Variants in MRTFA observed in about 807,000 individuals in gnomAD.
MRTFA encodes the protein myocardin-related transcription factor A.
Under a neutral mutation model 83.5 loss-of-function variants are expected in MRTFA, and 20 were observed. The ratio of observed to expected loss-of-function variants is 0.24; its 90% CI spans 0.17 to 0.35. The LOEUF (loss-of-function observed/expected upper bound fraction) is 0.35. Among genes scored for constraint, MRTFA ranks in the 10% least tolerant of loss-of-function variants. The pLI, the probability that MRTFA is intolerant of heterozygous loss-of-function variation, is 1.00. For synonymous variants in MRTFA, 659 were observed against 541.2 expected, an observed-to-expected ratio of 1.22 and a Z score of -3.02; for missense variants, 1,200 against 1,224.7, an observed-to-expected ratio of 0.98 and a Z score of 0.30.
intron 3 of MRTFA, among the ~76,000 whole-genome samples, chr22:40,482,109 T>C (rs191270780): frequency 1.4e-3 from 207 of 151,920 alleles, no homozygotes; most frequent in Non-Finnish European, 1.4e-3. Context: ...AGCTCTTACA[T>C]TGTGTTGTCA....
intron 3 of MRTFA, among the ~76,000 whole-genome samples, chr22:40,536,407 G>A (rs2055176082): frequency 6.6e-6 from 1 of 150,530 alleles, no homozygotes; most frequent in African/African-American, 2.4e-5. Context: ...GCCGGCGAGC[G>A]CCGCCCGGGA....
intron 2 of MRTFA, 97 bp from the exon 3 acceptor site, chr22:40,552,464 A>AT (rs1602419383): frequency 1.0e-5 from 4 of 392,654 alleles, no homozygotes. Flanking sequence ...TGTAGTTCCC[A>AT]TAACTCACAC....
In MRTFA at chr22:40,429,586, G is replaced by A. The variant is rs758413544; in HGVS notation, c.601+20C>T. ...TGCATCTCAGCTGCCTCTCACACAG[G>A]GTGGCTGGGTCCTCCTCACCAATGA... is the stretch of plus-strand genomic sequence containing the variant. On this transcript the variant is annotated intron_variant, in intron 7 of 14. Transcript: ENST00000355630. The A allele has an allele frequency of 2.5e-6, 4 of 1,614,032 alleles. No homozygotes were observed. Among genetic ancestry groups the A allele is most frequent in the Non-Finnish European group, 3.4e-6 (4 of 1,179,984 alleles).
chr22:40,481,611 G>A (rs922767654), intron 3 of MRTFA, among the ~76,000 whole-genome samples: 2 of 152,116 alleles, frequency 1.3e-5, no homozygotes, highest in African/African-American at 4.8e-5. Flanking sequence ...GGTACACAGA[G>A]AAGGCCCTTT....
intron 3 of MRTFA, among the ~76,000 whole-genome samples, chr22:40,491,603 T>C (rs559056834): frequency 6.6e-6 from 1 of 152,208 alleles, no homozygotes; most frequent in Non-Finnish European, 1.5e-5. Context: ...GTATAGTACC[T>C]AAGGCCAAAG....
chr22:40,462,075 T>G (rs2053724680), intron 4 of MRTFA, among the ~76,000 whole-genome samples: 1 of 152,224 alleles, frequency 6.6e-6, no homozygotes, highest in Non-Finnish European at 1.5e-5. Flanking sequence ...ATCTTTCCTC[T>G]TCAGTGAGGC....
intron 3 of MRTFA, chr22:40,519,747 A>C (rs1479808659): frequency 1.7e-5 from 8 of 473,002 alleles, no homozygotes; most frequent in African/African-American, 1.4e-4. Flanking sequence ...ACAAACGCCT[A>C]AGAGCAAAGT....
At chr22:40,494,594 T>G (rs1444992383) in intron 3 of MRTFA, among the ~76,000 whole-genome samples, 1 of 151,374 alleles carries the variant, frequency 6.6e-6, no homozygotes, top group Non-Finnish European at 1.5e-5. Context: ...GGTAGGAGCA[T>G]CACTCGAGCC....
intron 1 of MRTFA, among the ~76,000 whole-genome samples, chr22:40,629,109 C>T (rs992164232): frequency 6.6e-6 from 1 of 151,808 alleles, no homozygotes; most frequent in Non-Finnish European, 1.5e-5. Context: ...GGCAATATAG[C>T]AAGACTCTCT....
intron 2 of MRTFA, chr22:40,587,661 TACAGTGCCA>T (rs1393065321): frequency 3.1e-6 from 1 of 320,560 alleles, no homozygotes; most frequent in Non-Finnish European, 6.2e-6. Context: ...GTGTTCACTC[TACAGTGCCA>T]ACAGTGCCAG....
chr22:40,475,863 G>T (rs2053986317), intron 3 of MRTFA, among the ~76,000 whole-genome samples: 1 of 152,090 alleles, frequency 6.6e-6, no homozygotes, highest in African/African-American at 2.4e-5. Flanking sequence ...ATGGCGTCTC[G>T]GCCAGGCACG....
rs1439683846 is a variant in MRTFA at position 40,576,175 on chromosome 22, C to T, written c.-22+18499G>A. On this transcript the variant is annotated intron_variant, in intron 2 of 14. Transcript: ENST00000355630. ...TCCCAAGTAGCTGGGATTACAGGTG[C>T]GCGCCACCACGCTCAGCTAATTTTT... Among the ~76,000 whole-genome samples, 4 of 151,720 alleles carry T rather than the reference C, an allele frequency of 2.6e-5. No homozygotes were observed. In the Middle Eastern group the frequency reaches 0.01, roughly 387 times the overall value.
At chr22:40,514,711 C>T (rs2054727671) in intron 3 of MRTFA, among the ~76,000 whole-genome samples, 1 of 151,668 alleles carries the variant, frequency 6.6e-6, no homozygotes, top group Non-Finnish European at 1.5e-5. Flanking sequence ...AACTCCTGAC[C>T]TCAAGTGATC....
intron 2 of MRTFA, among the ~76,000 whole-genome samples, chr22:40,584,953 T>C (rs1163638252): frequency 6.6e-6 from 1 of 151,972 alleles, no homozygotes; most frequent in East Asian, 1.9e-4. Flanking sequence ...TCTGCGGTGG[T>C]AGGATCGCTT....
At chr22:40,571,695 G>A (rs556427212) in intron 2 of MRTFA, among the ~76,000 whole-genome samples, 5 of 151,542 alleles carry the variant, frequency 3.3e-5, no homozygotes, top group Non-Finnish European at 5.9e-5. Context: ...GAGGTAAGTC[G>A]ATCACGAGAC....
chr22:40,542,408 G>A (rs2055306107), intron 3 of MRTFA, among the ~76,000 whole-genome samples: 1 of 152,118 alleles, frequency 6.6e-6, no homozygotes, highest in African/African-American at 2.4e-5. Context: ...TTGTAACCAT[G>A]AATTAGCTCA....
At chr22:40,550,530 A>C (rs1264739893) in intron 3 of MRTFA, among the ~76,000 whole-genome samples, 1 of 152,212 alleles carries the variant, frequency 6.6e-6, no homozygotes, top group Non-Finnish European at 1.5e-5. Flanking sequence ...AGAACTATTC[A>C]CTAAGTGGGG....
intron 1 of MRTFA, among the ~76,000 whole-genome samples, chr22:40,629,950 A>G (rs376009156): frequency 6.6e-6 from 1 of 152,036 alleles, no homozygotes; most frequent in South Asian, 2.1e-4. Context: ...TAGGGCCCAC[A>G]CTAATACCTA....
In MRTFA at chr22:40,487,610, T is replaced by C. The variant is rs1221151603; in HGVS notation, c.242-24324A>G. Among the ~76,000 whole-genome samples, 4 of 152,346 alleles carry C rather than the reference T, an allele frequency of 2.6e-5. No homozygotes were observed. The East Asian group carries it at 7.7e-4, about 29-fold the overall frequency. On this transcript the variant is annotated intron_variant, in intron 3 of 14. Transcript: ENST00000355630. The stretch of plus-strand genomic sequence containing the variant: ...AATGCCTTGACTGGTGTTTCTCAGA[T>C]GTACCAAGTTTCTTCTCAGAAAGAA...
Sources: allele counts gnomAD v4.1 joint callset (sites outside exome capture counted in the v4.1 genomes callset), GRCh38; gene constraint gnomAD v4.1.1; transcripts MANE v1.5; gene names NCBI Gene and HGNC (gene_info 2026-07-23, HGNC 2026-07-21).